Variants in RP2 observed in about 807,000 individuals in gnomAD.
The protein encoded by RP2 is protein XRP2.
In RP2, 3 loss-of-function variants were observed where a neutral mutation model predicts 20.3. That is an observed-to-expected ratio of 0.15 (90% CI 0.07 to 0.38). The LOEUF (loss-of-function observed/expected upper bound fraction) is 0.38, where lower values mean the gene tolerates loss of function less well. RP2 is among the 10% of genes least tolerant of loss of function. The pLI, the probability that RP2 is intolerant of heterozygous loss-of-function variation, is 1.00. For synonymous variants in RP2, 75 were observed against 94.8 expected (o/e 0.79, Z 1.22); for missense variants, 233 against 268.5 (o/e 0.87, Z 0.92).
chrX:46,847,768 G>GTGTGTGTACATACACACA (rs1569531392), intron 1 of RP2, among the ~76,000 whole-genome samples: 1 of 59,583 alleles, frequency 1.7e-5, no homozygotes, highest in Non-Finnish European at 2.7e-5. Flanking sequence ...ATACACACAT[G>GTGTGTGTACATACACACA]TGTGTGTGTA....
chrX:46,873,474 G>T (rs782787427), intron 3 of RP2, among the ~76,000 whole-genome samples: 49 of 112,383 alleles, frequency 4.4e-4, no homozygotes, highest in Non-Finnish European at 8.3e-4. Flanking sequence ...GGGACAAATA[G>T]TAGTGTTTAA....
At chrX:46,860,229 T>A in intron 3 of RP2, 127 bp downstream of exon 3, 1 of 531,969 alleles carries the variant, frequency 1.9e-6, no homozygotes, top group Non-Finnish European at 3.2e-6. Context: ...TTTTTTTCTA[T>A]TATTGTTCTG....
intron 2 of RP2, among the ~76,000 whole-genome samples, chrX:46,856,787 C>T (rs1275875767): frequency 9.0e-6 from 1 of 111,524 alleles, no homozygotes; most frequent in Non-Finnish European, 1.9e-5. Flanking sequence ...CTATAGTTAT[C>T]CTATCTTATT....
At chrX:46,863,871 C>G (rs1223451048) in intron 3 of RP2, among the ~76,000 whole-genome samples, 1 of 111,779 alleles carries the variant, frequency 8.9e-6, no homozygotes, top group African/African-American at 3.3e-5. Context: ...CAGAGTCTCT[C>G]AATTTTCCTC....
At chrX:46,868,970 G>A (rs1021507927) in intron 3 of RP2, among the ~76,000 whole-genome samples, 3 of 109,195 alleles carry the variant, frequency 2.7e-5, no homozygotes, top group African/African-American at 1.0e-4. Context: ...GTGATGGTGC[G>A]TGCCTGTAGT....
chrX:46,868,397 T>C (rs1925214737), intron 3 of RP2, among the ~76,000 whole-genome samples: 1 of 110,005 alleles, frequency 9.1e-6, no homozygotes, highest in Admixed American at 9.8e-5. Context: ...CATGGTGTCA[T>C]GCGCCTGTAG....
rs938295340 is a variant in RP2 at position 46,881,277 on chromosome X, A to C, written c.*1508A>C. On this transcript the variant is annotated 3_prime_UTR_variant, in exon 5 of 5. Coordinates refer to ENST00000218340, the MANE Select transcript of RP2 (RefSeq NM_006915.3). ...TAACCATTAGCACTGCATCATTTCA[A>C]TTCTTTTATAAGGGCATTCAATACT... 1.2e-4 allele frequency: 13 copies of C among 111,359 alleles called. No individual in the cohort carries two copies. The highest frequency in any genetic ancestry group is 4.2e-4 in the African/African-American group (13 of 30,644). The allele number at this position is 111,359 out of a possible 1,213,427, so 9.2% of individuals were successfully genotyped here.
At chrX:46,868,772 C>T (rs1925225290) in intron 3 of RP2, among the ~76,000 whole-genome samples, 2 of 82,793 alleles carry the variant, frequency 2.4e-5, no homozygotes, top group African/African-American at 9.7e-5. Context: ...GGAGACAGGG[C>T]GATACTCCAT....
At position 46,859,981 on chromosome X, in the gene RP2, T is replaced by C; in HGVS notation, c.769-7T>C. On this transcript the variant is annotated splice_polypyrimidine_tract_variant and splice_region_variant and intron_variant, in intron 2 of 4. Coordinates refer to ENST00000218340, the MANE Select transcript of RP2 (RefSeq NM_006915.3). ...TTTAAAATCTCAATGAAATTTTATT[T>C]TCACAGATGGTTGGTAAAGGCTTTT... 1 of 1,164,851 alleles carries C rather than the reference T, an allele frequency of 8.6e-7. No homozygotes were observed. The highest frequency in any genetic ancestry group is 1.2e-6 in the Non-Finnish European group (1 of 853,222).
chrX:46,854,022 A>G lies in RP2; in HGVS notation c.649A>G (p.Asn217Asp). 8 of 1,212,019 alleles carry G rather than the reference A, an allele frequency of 6.6e-6. No homozygotes were observed. Among genetic ancestry groups the G allele is most frequent in the Non-Finnish European group, 7.8e-6 (7 of 895,509 alleles). Residue 217 changes from asparagine to aspartate, a missense_variant, in exon 2 of 5, where the codon AAT (asparagine) becomes GAT (aspartate). By Grantham distance (23) the Asn-to-Asp change is conservative. Transcript: ENST00000218340. ...LKAVRVSTEA[N>D]RSIVPISRGQ... is the part of the protein sequence containing the mutation. ...AGCTGTTCGTGTTTCCACAGAAGCCAATAGAAGCATTGTTCCAATATCCCG... is the reference window on the plus strand; with the variant it reads ...AGCTGTTCGTGTTTCCACAGAAGCCGATAGAAGCATTGTTCCAATATCCCG...
intron 2 of RP2, 147 bp downstream of exon 2, chrX:46,854,288 AC>A: frequency 1.8e-6 from 1 of 540,929 alleles, no homozygotes; most frequent in Non-Finnish European, 3.1e-6. Context: ...CTCCCAACAG[AC>A]TCATCTGTAA....
In RP2 at chrX:46,860,069, A is replaced by G. The variant is rs1925037100; in HGVS notation, c.850A>G (p.Lys284Glu). 8.3e-7 allele frequency: 1 copy of G among 1,204,600 alleles called. No homozygotes were observed. Among genetic ancestry groups the G allele is most frequent in the Non-Finnish European group, 1.1e-6 (1 of 890,177 alleles). ...AEDAQRVFRE[K>E]APDFLPLLNK... ...GGATGCTCAAAGGGTTTTTCGGGAA[A>G]AAGCACCTGACTTCCTTCCTCTTCT... is the stretch of plus-strand genomic sequence containing the variant. The change falls in exon 3 of 5, where the codon AAA becomes GAA. Residue 284 changes from lysine (K) to glutamate (E), a missense_variant. By Grantham distance (56) the Lys-to-Glu change is moderately conservative. This residue lies in a region of RP2 where 118 missense variants were observed against 123.8 expected (regional missense o/e 0.95). Coordinates refer to ENST00000218340, the MANE Select transcript of RP2 (RefSeq NM_006915.3).
chrX:46,859,935 G>A (rs1348696159), intron 2 of RP2, 53 bp from the exon 3 acceptor site: 1 of 845,093 alleles, frequency 1.2e-6, no homozygotes, highest in Non-Finnish European at 1.8e-6. Flanking sequence ...GGAAATCATT[G>A]TTTTAGTCTC....
At chrX:46,879,077 A>C (rs1187355806) in intron 4 of RP2, among the ~76,000 whole-genome samples, 3 of 98,630 alleles carry the variant, frequency 3.0e-5, no homozygotes, top group Non-Finnish European at 6.2e-5. Context: ...AAAAAAAAAA[A>C]AAAAAAAAAA....
At chrX:46,872,179 C>T (rs1925303721) in intron 3 of RP2, among the ~76,000 whole-genome samples, 2 of 112,337 alleles carry the variant, frequency 1.8e-5, no homozygotes, top group Admixed American at 9.4e-5. Flanking sequence ...AATATAGCTA[C>T]TCTAGCTTTC....
chrX:46,880,847 G>T lies in RP2; in HGVS notation c.*1078G>T, dbSNP rs1556328606. 9.0e-6 allele frequency: 1 copy of T among 111,682 alleles called. No homozygotes were observed. 9.2% of individuals were successfully genotyped at this position (111,682 alleles called of 1,213,427 possible). A position where few individuals can be genotyped will look rare whatever the true frequency, so the allele number is the denominator to read the frequency against. ...ACATTCTTGGACCCAATCCTCAGAT[G>T]CACGGATTCAGTCTTCAGGGGAAAC... On this transcript the variant is annotated 3_prime_UTR_variant, in exon 5 of 5. Coordinates refer to ENST00000218340, the MANE Select transcript of RP2 (RefSeq NM_006915.3).
intron 2 of RP2, among the ~76,000 whole-genome samples, chrX:46,855,820 A>G (rs781927186): frequency 3.6e-5 from 4 of 110,857 alleles, no homozygotes; most frequent in African/African-American, 1.3e-4. Flanking sequence ...AAGTTGGAAC[A>G]TATCAAAAGG....
At chrX:46,849,388 C>A (rs1450264494) in intron 1 of RP2, among the ~76,000 whole-genome samples, 1 of 109,484 alleles carries the variant, frequency 9.1e-6, no homozygotes, top group Non-Finnish European at 1.9e-5. Flanking sequence ...CCCCCTTCCA[C>A]CAACTCACTT....
chrX:46,856,955 G>A (rs1924971865), intron 2 of RP2, among the ~76,000 whole-genome samples: 1 of 111,670 alleles, frequency 9.0e-6, no homozygotes, highest in Admixed American at 9.5e-5. Flanking sequence ...AGTTCGCAGG[G>A]AAATATGTAT....
Sources: allele counts gnomAD v4.1 joint callset (sites outside exome capture counted in the v4.1 genomes callset), GRCh38; gene constraint gnomAD v4.1.1; regional missense constraint gnomAD v4.1.1; transcripts MANE v1.5; gene names NCBI Gene and HGNC (gene_info 2026-07-23, HGNC 2026-07-21).